C1orf141: variants seen among roughly 807,000 people sequenced by gnomAD.
C1orf141 encodes uncharacterized protein C1orf141.
Under a neutral mutation model 23.2 loss-of-function variants are expected in C1orf141, and 19 were observed. The ratio of observed to expected loss-of-function variants is 0.82; its 90% CI spans 0.57 to 1.20. The LOEUF (loss-of-function observed/expected upper bound fraction) is 1.20, where lower values mean the gene tolerates loss of function less well. C1orf141 is among the 50% of genes most tolerant of loss of function. C1orf141 has a pLI of 0.00. For synonymous variants in C1orf141, 153 were observed against 154.6 expected, an observed-to-expected ratio of 0.99 and a Z score of 0.08; for missense variants, 469 against 455.1, an observed-to-expected ratio of 1.03 and a Z score of -0.28.
chr1:67,117,816 A>G (rs1646225993), intron 4 of C1orf141, among the ~76,000 whole-genome samples: 2 of 152,350 alleles, frequency 1.3e-5, no homozygotes, highest in South Asian at 4.1e-4. Flanking sequence ...AGATATTCAG[A>G]TATGAATTTC....
At chr1:67,115,582 A>G (rs1373762752) in intron 4 of C1orf141, 118 bp from the exon 5 acceptor site, 1 of 516,378 alleles carries the variant, frequency 1.9e-6, no homozygotes, top group African/African-American at 2.0e-5. Context: ...TGTTATGTTA[A>G]TGTTGTCACA....
intron 5 of C1orf141, among the ~76,000 whole-genome samples, chr1:67,111,918 A>G (rs1361506053): frequency 2.6e-5 from 4 of 152,354 alleles, no homozygotes; most frequent in Non-Finnish European, 4.4e-5. Context: ...TAAATAAAAT[A>G]GAATCATATG....
intron 5 of C1orf141, chr1:67,103,428 T>C: frequency 7.1e-6 from 8 of 1,133,292 alleles, no homozygotes; most frequent in Non-Finnish European, 9.4e-6. Flanking sequence ...ACTATTTCTT[T>C]CCGTGTATAT....
chr1:67,125,946 A>AAAG, intron 3 of C1orf141, 37 bp from the exon 4 acceptor site: 1 of 1,493,120 alleles, frequency 6.7e-7, no homozygotes, highest in Non-Finnish European at 8.9e-7. Flanking sequence ...AAAAAAAAAA[A>AAAG]AGAGTACTTT....
At chr1:67,135,523 A>G (rs529656051), upstream of C1orf141, among the ~76,000 whole-genome samples, 1 of 152,252 alleles carries the variant, frequency 6.6e-6, no homozygotes, top group African/African-American at 2.4e-5. Context: ...ACCACTTAGC[A>G]TTTTTATGAG....
intron 4 of C1orf141, among the ~76,000 whole-genome samples, chr1:67,119,622 G>A (rs1646261402): frequency 6.6e-6 from 1 of 152,214 alleles, no homozygotes; most frequent in Non-Finnish European, 1.5e-5. Context: ...GTAGGTCAGT[G>A]TGGATGTGTA....
intron 4 of C1orf141, chr1:67,122,467 A>T (rs1193784011): frequency 6.6e-6 from 1 of 152,206 alleles, no homozygotes; most frequent in East Asian, 1.9e-4. Context: ...GATCAAATCT[A>T]CCTTTGCAGA....
chr1:67,111,566 A>G (rs1439269229), intron 5 of C1orf141: 2 of 1,175,190 alleles, frequency 1.7e-6, no homozygotes, highest in Non-Finnish European at 2.3e-6. Context: ...GAGTATACAA[A>G]TTACACCTAC....
chr1:67,139,695 A>G (rs142869637), upstream of C1orf141, among the ~76,000 whole-genome samples: 138 of 152,290 alleles, frequency 9.1e-4, 1 homozygote, highest in East Asian at 0.021. Context: ...CAGTATTGAG[A>G]GGTGAGGCCT....
At chr1:67,093,947 G>A (rs1193148402) in intron 7 of C1orf141, 1 of 156,506 alleles carries the variant, frequency 6.4e-6, no homozygotes, top group Non-Finnish European at 1.4e-5. Context: ...CATTTCTTAG[G>A]TTTCCATGTT....
rs951132376 is a variant in C1orf141 at position 67,092,767 on chromosome 1, T to C, written c.*238A>G. On this transcript the variant is annotated 3_prime_UTR_variant, in exon 8 of 8. Transcript: ENST00000684719. ...TGATTGAGCAATCTAATTGAGATAA[T>C]AGAAAGTCATGAACTAGATCCTCTT... The C allele has an allele frequency of 3.2e-6, 1 of 312,100 alleles. No individual in the cohort carries two copies. The highest frequency in any genetic ancestry group is 4.8e-5 in the Admixed American group (1 of 20,966). 19.3% of individuals were successfully genotyped at this position (312,100 alleles called of 1,614,324 possible).
At chr1:67,102,681 C>T (rs1470924166) in intron 5 of C1orf141, 1 of 152,022 alleles carries the variant, frequency 6.6e-6, no homozygotes, top group Non-Finnish European at 1.5e-5. Flanking sequence ...AGGCCACAAT[C>T]AGACAGACAG....
In C1orf141 at chr1:67,093,070, G is replaced by C. The variant is rs758091651; in HGVS notation, c.1138C>G (p.Leu380Val). 22 of 1,605,528 alleles carry C rather than the reference G, an allele frequency of 1.4e-5. No homozygotes were observed. Among genetic ancestry groups the C allele is most frequent in the Non-Finnish European group, 1.7e-6 (2 of 1,172,482 alleles). ...YSKPFKYIYE[L>V]NNVTPLDNLL... ...TTATCCAGTGGCGTTACATTATTTA[G>C]TTCATATATATATTTAAAAGGCTTT... The change falls in exon 8 of 8, where the codon CTA becomes GTA. Residue 380 changes from leucine (L) to valine (V), a missense_variant. Leu to Val is a conservative substitution (Grantham distance 32). Transcript: ENST00000684719.
intron 5 of C1orf141, among the ~76,000 whole-genome samples, chr1:67,110,667 AT>A (rs1432956099): frequency 6.6e-6 from 1 of 151,886 alleles, no homozygotes; most frequent in Non-Finnish European, 1.5e-5. Context: ...AAATTTTATA[AT>A]TTTTACATAA....
chr1:67,127,072 A>G (rs949467094), intron 3 of C1orf141, 94 bp downstream of exon 3: 5 of 767,162 alleles, frequency 6.5e-6, no homozygotes, highest in Non-Finnish European at 1.0e-5. Flanking sequence ...TTTATATCAT[A>G]TTAATGTATC....
chr1:67,099,142 T>C (rs1421057597), intron 5 of C1orf141, among the ~76,000 whole-genome samples: 1 of 152,146 alleles, frequency 6.6e-6, no homozygotes, highest in African/African-American at 2.4e-5. Flanking sequence ...ACAGACAGAA[T>C]ACATCTATAT....
chr1:67,116,401 A>G (rs1340612960), intron 4 of C1orf141, among the ~76,000 whole-genome samples: 1 of 151,842 alleles, frequency 6.6e-6, no homozygotes, highest in Non-Finnish European at 1.5e-5. Flanking sequence ...AACCAAATCC[A>G]AGACCCCTTT....
chr1:67,105,231 C>T (rs1165361940), intron 5 of C1orf141, among the ~76,000 whole-genome samples: 1 of 147,504 alleles, frequency 6.8e-6, no homozygotes, highest in Admixed American at 7.0e-5. Flanking sequence ...GAAGCTGCGG[C>T]AGGAGAATTG....
At chr1:67,117,234 C>A (rs1006328770) in intron 4 of C1orf141, among the ~76,000 whole-genome samples, 1 of 152,106 alleles carries the variant, frequency 6.6e-6, no homozygotes, top group Non-Finnish European at 1.5e-5. Context: ...ACCAGCCTGG[C>A]CAACATGGCG....
Sources: allele counts gnomAD v4.1 joint callset (sites outside exome capture counted in the v4.1 genomes callset), GRCh38; gene constraint gnomAD v4.1.1; transcripts MANE v1.5; gene names NCBI Gene and HGNC (gene_info 2026-07-23, HGNC 2026-07-21).